MYBL2: variants seen among roughly 807,000 people sequenced by gnomAD.
MYBL2 encodes myb-related protein B.
A neutral mutation model predicts 79.9 loss-of-function variants in MYBL2; 28 were observed. The ratio of observed to expected loss-of-function variants is 0.35; its 90% CI spans 0.26 to 0.48. The LOEUF is 0.48. Among genes scored for constraint, MYBL2 ranks in the 20% least tolerant of loss-of-function variants. The pLI, the probability that MYBL2 is intolerant of heterozygous loss-of-function variation, is 0.99. For synonymous variants in MYBL2, 378 were observed against 361.2 expected (o/e 1.05, Z -0.53); for missense variants, 735 against 893.9 (o/e 0.82, Z 2.27).
chr20:43,686,763 C>G (rs1471790401), intron 4 of MYBL2, 89 bp from the exon 5 acceptor site: 2 of 1,322,796 alleles, frequency 1.5e-6, no homozygotes, highest in Non-Finnish European at 2.1e-6. Context: ...CCTCTCAGGG[C>G]CATGGCAAGG....
At chr20:43,684,186 C>CA (rs1314968048) in intron 4 of MYBL2, among the ~76,000 whole-genome samples, 1 of 150,652 alleles carries the variant, frequency 6.6e-6, no homozygotes, top group Non-Finnish European at 1.5e-5. Flanking sequence ...GTCAGCCTCT[C>CA]AAAGTGCTGG....
At chr20:43,686,216 CAT>C (rs752150633) in intron 4 of MYBL2, among the ~76,000 whole-genome samples, 3 of 152,160 alleles carry the variant, frequency 2.0e-5, no homozygotes, top group Non-Finnish European at 4.4e-5. Context: ...CCTGTGTGCA[CAT>C]GAGAACGCGT....
chr20:43,695,470 C>G (rs1490102127), intron 6 of MYBL2, among the ~76,000 whole-genome samples: 1 of 152,338 alleles, frequency 6.6e-6, no homozygotes, highest in Admixed American at 6.5e-5. Flanking sequence ...AAACTCTTAA[C>G]AGTCACCCTT....
At chr20:43,677,638 G>A (rs1195631517) in intron 2 of MYBL2, among the ~76,000 whole-genome samples, 1 of 151,922 alleles carries the variant, frequency 6.6e-6, no homozygotes, top group Non-Finnish European at 1.5e-5. Flanking sequence ...TGGGAAGTGA[G>A]GAGCCCCTCT....
At chr20:43,671,188 G>GTCTGTCA (rs1986845764) in intron 1 of MYBL2, among the ~76,000 whole-genome samples, 1 of 151,486 alleles carries the variant, frequency 6.6e-6, no homozygotes, top group Non-Finnish European at 1.5e-5. Context: ...CTCGTCTGTC[G>GTCTGTCA]CCCAGGCTGG....
At chr20:43,667,404 GGTGT>G in intron 1 of MYBL2, 101 bp downstream of exon 1, 9 of 868,532 alleles carry the variant, frequency 1.0e-5, no homozygotes, top group Non-Finnish European at 1.3e-5. Flanking sequence ...ACCAAGCTGG[GGTGT>G]GTGTGTGTGT....
chr20:43,683,456 T>TC (rs974947425), intron 4 of MYBL2, among the ~76,000 whole-genome samples: 60 of 151,556 alleles, frequency 4.0e-4, no homozygotes, highest in African/African-American at 1.4e-3. Flanking sequence ...CCTTGGGAGT[T>TC]CCCTCATCTC....
At chr20:43,690,182 G>A (rs1422306655) in intron 5 of MYBL2, among the ~76,000 whole-genome samples, 1 of 149,846 alleles carries the variant, frequency 6.7e-6, no homozygotes, top group Non-Finnish European at 1.5e-5. Context: ...CCTTCCAAGA[G>A]CTGTTTTTTG....
chr20:43,699,720 C>T (rs751206289), intron 6 of MYBL2, 37 bp from the exon 7 acceptor site: 2 of 1,607,102 alleles, frequency 1.2e-6, no homozygotes, highest in South Asian at 1.1e-5. Flanking sequence ...GTCTATATCT[C>T]AGCGAAATGC....
chr20:43,705,672 A>AT (rs528764961), intron 9 of MYBL2, among the ~76,000 whole-genome samples: 4 of 144,646 alleles, frequency 2.8e-5, no homozygotes, highest in African/African-American at 1.0e-4. Context: ...AATTAAAAAA[A>AT]TATTTATTTA....
Position 43,697,025 on chromosome 20 carries a change from G to A in MYBL2, c.664-2732G>A, listed in dbSNP as rs192953872. On this transcript the variant is annotated intron_variant, in intron 6 of 13. Coordinates refer to ENST00000217026, the MANE Select transcript of MYBL2 (RefSeq NM_002466.4). Reference sequence around the variant, plus strand: ...CAGGCGTGAGCCACTGCGCCCGGCCGGTTGATTTTATAGATGTGGAATGAT... The same window carrying A: ...CAGGCGTGAGCCACTGCGCCCGGCCAGTTGATTTTATAGATGTGGAATGAT... Among the ~76,000 whole-genome samples the A allele has an allele frequency of 3.2e-3, 58 of 17,976 alleles. No individual in the cohort carries two copies. The East Asian group carries it at 0.094, about 29-fold the overall frequency. The allele number at this position is 17,976 out of a possible 152,430, so 11.8% of individuals were successfully genotyped here. A position where few individuals can be genotyped will look rare whatever the true frequency, so the allele number is the denominator to read the frequency against.
intron 1 of MYBL2, among the ~76,000 whole-genome samples, chr20:43,673,037 G>A (rs1420990606): frequency 2.0e-5 from 3 of 151,932 alleles, no homozygotes; most frequent in Non-Finnish European, 2.9e-5. Flanking sequence ...TTCACCTCCC[G>A]GGTTCAAGCA....
chr20:43,714,075 C>A (rs1226452290), intron 12 of MYBL2, among the ~76,000 whole-genome samples: 1 of 152,180 alleles, frequency 6.6e-6, no homozygotes, highest in Non-Finnish European at 1.5e-5. Context: ...AAGAAAAAAA[C>A]ATCACCGCAG....
At chr20:43,670,934 A>G (rs1468596708) in intron 1 of MYBL2, among the ~76,000 whole-genome samples, 1 of 150,870 alleles carries the variant, frequency 6.6e-6, no homozygotes, top group Non-Finnish European at 1.5e-5. Flanking sequence ...AGCACCTGAC[A>G]TCTCTGGAGG....
At chr20:43,714,788 A>T (rs1030234155) in intron 12 of MYBL2, among the ~76,000 whole-genome samples, 2 of 151,398 alleles carry the variant, frequency 1.3e-5, no homozygotes, top group Non-Finnish European at 2.9e-5. Flanking sequence ...CCACCACCAC[A>T]CCCAGCTAAT....
At chr20:43,674,618 A>T (rs1238784881) in intron 2 of MYBL2, among the ~76,000 whole-genome samples, 2 of 149,580 alleles carry the variant, frequency 1.3e-5, no homozygotes, top group Non-Finnish European at 3.0e-5. Context: ...CTGGTCTCGA[A>T]CTCCTGACCT....
Position 43,686,953 on chromosome 20 carries a change from C to T in MYBL2, c.381C>T (p.Asn127=). The change falls in exon 5 of 14, where the codon AAC becomes AAT. Residue 127 remains asparagine (N), a synonymous_variant. Coordinates refer to ENST00000217026, the MANE Select transcript of MYBL2 (RefSeq NM_002466.4). ...AGCAGTGCCGTGAACGCTGGCACAA[C>T]CACCTCAACCCTGAGGTGAAGAAGT... ...LGKQCRERWH[N]HLNPEVKKSC... 6.2e-7 allele frequency: 1 copy of T among 1,614,226 alleles called. No homozygotes were observed. Among genetic ancestry groups the T allele is most frequent in the Non-Finnish European group, 8.5e-7 (1 of 1,180,042 alleles).
At chr20:43,707,613 C>T (rs1987819200) in intron 9 of MYBL2, among the ~76,000 whole-genome samples, 1 of 152,052 alleles carries the variant, frequency 6.6e-6, no homozygotes, top group African/African-American at 2.4e-5. Context: ...AGGCTGGTCT[C>T]GAACTCCTGA....
At chr20:43,693,248 G>A (rs968653001) in intron 6 of MYBL2, among the ~76,000 whole-genome samples, 3 of 152,138 alleles carry the variant, frequency 2.0e-5, no homozygotes, top group Non-Finnish European at 4.4e-5. Context: ...GCCAGGCTGG[G>A]TTTGAATTCC....
Sources: gnomAD v4.1 joint callset for allele counts (sites outside exome capture counted in the v4.1 genomes callset) on GRCh38, gnomAD v4.1.1 for gene constraint, MANE v1.5 for transcripts, NCBI Gene and HGNC (gene_info 2026-07-23, HGNC 2026-07-21) for gene names.